Variants in KNG1 observed in about 807,000 individuals in gnomAD.
KNG1 encodes the protein kininogen-1.
Under a neutral mutation model 47.8 loss-of-function variants are expected in KNG1, and 23 were observed. The observed-to-expected ratio is 0.48, with a 90% CI of 0.35 to 0.68. The LOEUF is 0.68. Ranked by LOEUF, KNG1 falls within the 30% of genes least tolerant of loss-of-function variation. The probability of loss-of-function intolerance (pLI) is 0.01; values close to 1 mark genes in which losing one functional copy is unlikely to be tolerated. For missense variants in KNG1, 762 were observed against 790.2 expected, an observed-to-expected ratio of 0.96 and a Z score of 0.43; for synonymous variants, 277 against 277.0, an observed-to-expected ratio of 1.00 and a Z score of 0.00.
rs1471317699 is a variant in KNG1 at position 186,742,164 on chromosome 3, G to T, written c.1768G>T (p.Asp590Tyr). The change falls in exon 10 of 10, where the codon GAT becomes TAT. Residue 590 changes from aspartate (D) to tyrosine (Y), a missense_variant. Coordinates refer to ENST00000644859, the MANE Select transcript of KNG1 (RefSeq NM_001102416.3). Reference sequence around the variant, plus strand: ...ACAGAGTGATGACGATTGGATCCCTGATATCCAGATAGACCCAAATGGCCT... The same window carrying T: ...ACAGAGTGATGACGATTGGATCCCTTATATCCAGATAGACCCAAATGGCCT... Reference protein sequence around the residue: ...PIQSDDDWIPDIQIDPNGLSF... With the variant: ...PIQSDDDWIPYIQIDPNGLSF... The T allele has an allele frequency of 6.2e-7, 1 of 1,614,124 alleles. No homozygotes were observed. The highest frequency in any genetic ancestry group is 1.7e-5 in the Admixed American group (1 of 60,016).
chr3:186,728,434 A>G (rs1356778939), intron 5 of KNG1: 2 of 152,226 alleles, frequency 1.3e-5, no homozygotes, highest in Non-Finnish European at 2.9e-5. Flanking sequence ...AAATTACAGT[A>G]TATCCATACA....
Position 186,742,561 on chromosome 3 carries a change from T to C in KNG1, c.*230T>C. 9 of 1,375,614 alleles carry C rather than the reference T, an allele frequency of 6.5e-6. No homozygotes were observed. Among genetic ancestry groups the C allele is most frequent in the Non-Finnish European group, 8.4e-6 (9 of 1,066,042 alleles). 85.2% of individuals were successfully genotyped at this position (1,375,614 alleles called of 1,614,324 possible). On this transcript the variant is annotated 3_prime_UTR_variant, in exon 10 of 10. Transcript: ENST00000644859. ...TTCTGAATCTTCTTCCCAAGTTTTC[T>C]AAACTAGCACAGTAAACAGACAAAC...
chr3:186,743,921 G>A lies in KNG1; in HGVS notation c.*1590G>A. The A allele has an allele frequency of 1.4e-6, 1 of 725,492 alleles. No homozygotes were observed. Among genetic ancestry groups the A allele is most frequent in the Admixed American group, 2.0e-5 (1 of 49,744 alleles). The allele number at this position is 725,492 out of a possible 1,614,324, so 44.9% of individuals were successfully genotyped here. A position where few individuals can be genotyped will look rare whatever the true frequency, so the allele number is the denominator to read the frequency against. ...CCATTTTATCACTCTGCCTCTGGGT[G>A]AAATAAAGATCAGTCTTGATGTTCT... On this transcript the variant is annotated 3_prime_UTR_variant, in exon 10 of 10. Coordinates refer to ENST00000644859, the MANE Select transcript of KNG1 (RefSeq NM_001102416.3).
intron 7 of KNG1, among the ~76,000 whole-genome samples, 190 bp downstream of exon 7, chr3:186,732,864 C>T (rs1381359587): frequency 1.3e-5 from 2 of 152,172 alleles, no homozygotes; most frequent in Non-Finnish European, 2.9e-5. Flanking sequence ...TTACAACATT[C>T]TCTCTGTTTT....
chr3:186,736,511 G>C (rs1021341209), intron 7 of KNG1: 27 of 152,182 alleles, frequency 1.8e-4, no homozygotes. Context: ...AGTGATTACA[G>C]TTTCATATAA....
Position 186,742,346 on chromosome 3 carries a change from G to A in KNG1, c.*15G>A, listed in dbSNP as rs1410808354. 1.2e-6 allele frequency: 2 copies of A among 1,612,784 alleles called. No individual in the cohort carries two copies. The highest frequency in any genetic ancestry group is 1.7e-6 in the Non-Finnish European group (2 of 1,179,822). On this transcript the variant is annotated 3_prime_UTR_variant, in exon 10 of 10. Transcript: ENST00000644859. ...GCCTTTCTTAATTTAAGTGGCTATG[G>A]GTATTTCTTTCATACTTTATTAAAG...
At chr3:186,731,855 A>G (rs1470065843) in intron 6 of KNG1, among the ~76,000 whole-genome samples, 6 of 152,232 alleles carry the variant, frequency 3.9e-5, no homozygotes, top group Non-Finnish European at 8.8e-5. Context: ...GACAGAAGGG[A>G]AATGTATGAC....
At chr3:186,726,274 CTTTT>C (rs774226752) in intron 4 of KNG1, among the ~76,000 whole-genome samples, 1 of 113,728 alleles carries the variant, frequency 8.8e-6, no homozygotes, top group Non-Finnish European at 1.8e-5. Context: ...GACTTTTCTT[CTTTT>C]TTTTTTTTTT....
intron 4 of KNG1, among the ~76,000 whole-genome samples, chr3:186,726,274 C>CTT (rs774226752): frequency 1.2e-3 from 133 of 113,702 alleles, no homozygotes; most frequent in African/African-American, 2.6e-3. Context: ...GACTTTTCTT[C>CTT]TTTTTTTTTT....
Position 186,742,785 on chromosome 3 carries a change from C to T in KNG1, c.*454C>T. On this transcript the variant is annotated 3_prime_UTR_variant, in exon 10 of 10. Coordinates refer to ENST00000644859, the MANE Select transcript of KNG1 (RefSeq NM_001102416.3). The stretch of plus-strand genomic sequence containing the variant: ...TAATGGAATAGAAATAATAAGGAGG[C>T]TGAGGCTGGAGAATTGCTTGAACCC... The T allele has an allele frequency of 1.0e-6, 1 of 993,012 alleles. No individual in the cohort carries two copies. The highest frequency in any genetic ancestry group is 1.1e-4 in the East Asian group (1 of 9,442). 61.5% of individuals were successfully genotyped at this position (993,012 alleles called of 1,614,324 possible).
rs534731307 is a variant in KNG1 at position 186,723,694 on chromosome 3, G to A, written c.391+1173G>A. Among the ~76,000 whole-genome samples the A allele has an allele frequency of 7.9e-5, 12 of 151,024 alleles. No individual in the cohort carries two copies. In the South Asian group the frequency reaches 2.1e-3, roughly 26 times the overall value. On this transcript the variant is annotated intron_variant, in intron 3 of 9. Coordinates refer to ENST00000644859, the MANE Select transcript of KNG1 (RefSeq NM_001102416.3). Reference sequence around the variant, plus strand: ...TTTTGAGACAGAGTCTCGCACTGTCGCCCAGGCTGGGGTGCAGTGGCACGA... The same window carrying A: ...TTTTGAGACAGAGTCTCGCACTGTCACCCAGGCTGGGGTGCAGTGGCACGA...
Position 186,742,446 on chromosome 3 carries a change from A to G in KNG1, c.*115A>G. On this transcript the variant is annotated 3_prime_UTR_variant, in exon 10 of 10. Transcript: ENST00000644859. ...GCACCAAAAACCATGCAGCTTCGGA[A>G]CAGTCTAAAGAGAAGTGGTGAGACT... 6.5e-7 allele frequency: 1 copy of G among 1,540,026 alleles called. No individual in the cohort carries two copies. The highest frequency in any genetic ancestry group is 1.9e-5 in the Admixed American group (1 of 51,284).
chr3:186,723,916 A>T (rs908327944), intron 3 of KNG1, among the ~76,000 whole-genome samples: 5 of 152,262 alleles, frequency 3.3e-5, no homozygotes, highest in African/African-American at 1.2e-4. Flanking sequence ...GGCCTCCCAA[A>T]GTGCTGGGAT....
In KNG1 at chr3:186,743,069, A is replaced by G. The variant is rs970962045; in HGVS notation, c.*738A>G. On this transcript the variant is annotated 3_prime_UTR_variant, in exon 10 of 10. Transcript: ENST00000644859. The stretch of plus-strand genomic sequence containing the variant: ...CCCTTTCTGAGTGAGAGTGTTTCTC[A>G]TAAGTCAAAAATTTCTGTTTACTCA... The G allele has an allele frequency of 5.9e-6, 3 of 507,964 alleles. No homozygotes were observed. The highest frequency in any genetic ancestry group is 3.0e-4 in the East Asian group (2 of 6,674). 31.5% of individuals were successfully genotyped at this position (507,964 alleles called of 1,614,324 possible). A position where few individuals can be genotyped will look rare whatever the true frequency, so the allele number is the denominator to read the frequency against.
rs747233819 is a variant in KNG1 at position 186,742,353 on chromosome 3, CT to C, written c.*25del. 11 of 1,612,326 alleles carry C rather than the reference CT, an allele frequency of 6.8e-6. No homozygotes were observed. The highest frequency in any genetic ancestry group is 9.3e-6 in the Non-Finnish European group (11 of 1,179,808). Reference sequence around the variant, plus strand: ...TTAATTTAAGTGGCTATGGGTATTTCTTTCATACTTTATTAAAGTATCAATA... The same window carrying C: ...TTAATTTAAGTGGCTATGGGTATTTCTTCATACTTTATTAAAGTATCAATA... On this transcript the variant is annotated 3_prime_UTR_variant, in exon 10 of 10. Coordinates refer to ENST00000644859, the MANE Select transcript of KNG1 (RefSeq NM_001102416.3).
rs1288863939 is a variant in KNG1 at position 186,735,408 on chromosome 3, A to G, written c.930+2734A>G. Among the ~76,000 whole-genome samples the G allele has an allele frequency of 2.6e-5, 4 of 152,246 alleles. No individual in the cohort carries two copies. In the East Asian group the frequency reaches 5.8e-4, roughly 22 times the overall value. ...CGAGGCAGGTGGATCACCTGAGGTCAGGAGTTCGAGACCAGCCTGACCAAC... is the reference window on the plus strand; with the variant it reads ...CGAGGCAGGTGGATCACCTGAGGTCGGGAGTTCGAGACCAGCCTGACCAAC... On this transcript the variant is annotated intron_variant, in intron 7 of 9. Transcript: ENST00000644859.
At position 186,742,576 on chromosome 3, in the gene KNG1, AACAG is replaced by A. The variant is rs1212144065; in HGVS notation, c.*249_*252del. On this transcript the variant is annotated 3_prime_UTR_variant, in exon 10 of 10. Coordinates refer to ENST00000644859, the MANE Select transcript of KNG1 (RefSeq NM_001102416.3). ...CCAAGTTTTCTAAACTAGCACAGTA[AACAG>A]ACAAACTAATGTGCCGTATGGCCTG... is the stretch of plus-strand genomic sequence containing the variant. The A allele has an allele frequency of 2.2e-5, 29 of 1,344,714 alleles. No individual in the cohort carries two copies. Among genetic ancestry groups the A allele is most frequent in the Middle Eastern group, 5.8e-4 (2 of 3,450 alleles). The allele number at this position is 1,344,714 out of a possible 1,614,324, so 83.3% of individuals were successfully genotyped here. A position where few individuals can be genotyped will look rare whatever the true frequency, so the allele number is the denominator to read the frequency against.
chr3:186,720,376 T>C (rs1720153477), intron 2 of KNG1, 161 bp downstream of exon 2: 1 of 640,380 alleles, frequency 1.6e-6, no homozygotes, highest in African/African-American at 1.8e-5. Flanking sequence ...TCTGTGTTCT[T>C]GTATAGACAG....
chr3:186,730,683 A>AAAT (rs1560065908), intron 5 of KNG1, among the ~76,000 whole-genome samples: 2 of 39,154 alleles, frequency 5.1e-5, no homozygotes, highest in African/African-American at 1.1e-4. Flanking sequence ...AAAAAAAAAA[A>AAAT]ATATATATAT....
Sources: gnomAD v4.1 joint callset for allele counts (sites outside exome capture counted in the v4.1 genomes callset) on GRCh38, gnomAD v4.1.1 for gene constraint, MANE v1.5 for transcripts, NCBI Gene and HGNC (gene_info 2026-07-23, HGNC 2026-07-21) for gene names.